ENOSF1: variants seen among roughly 807,000 people sequenced by gnomAD.
ENOSF1 encodes enolase superfamily member 1.
In ENOSF1, 73 loss-of-function variants were observed where a neutral mutation model predicts 68.2. The ratio of observed to expected loss-of-function variants is 1.07; its 90% CI spans 0.89 to 1.30. The LOEUF is 1.30. ENOSF1 is among the 50% of genes most tolerant of loss of function. The pLI is 0.00. For synonymous variants in ENOSF1, 223 were observed against 210.4 expected, an observed-to-expected ratio of 1.06 and a Z score of -0.52; for missense variants, 589 against 554.5, an observed-to-expected ratio of 1.06 and a Z score of -0.62.
intron 14 of ENOSF1, 81 bp from the exon 15 acceptor site, chr18:675,483 G>C (rs376888365): frequency 1.7e-6 from 2 of 1,204,652 alleles, no homozygotes; most frequent in African/African-American, 3.0e-5. Flanking sequence ...CAGAAGGAGC[G>C]AGTACCACTC....
At chr18:700,934 G>A (rs2078281520) in intron 2 of ENOSF1, among the ~76,000 whole-genome samples, 1 of 149,794 alleles carries the variant, frequency 6.7e-6, no homozygotes. Flanking sequence ...TTTTGGCTGT[G>A]GCAGGAAATT....
downstream of ENOSF1, among the ~76,000 whole-genome samples, chr18:667,949 T>TAG (rs2144325354): frequency 6.6e-6 from 1 of 152,052 alleles, no homozygotes; most frequent in African/African-American, 2.4e-5. Context: ...GTAGGAAAGT[T>TAG]TGTCCCTTTT....
At chr18:666,277 G>A (rs1268792524), downstream of ENOSF1, among the ~76,000 whole-genome samples, 2 of 151,618 alleles carry the variant, frequency 1.3e-5, no homozygotes, top group Non-Finnish European at 2.9e-5. Flanking sequence ...GTGGGACAAG[G>A]GACAAAATGC....
chr18:693,795 A>AT, intron 5 of ENOSF1, 87 bp downstream of exon 5: 1 of 1,594,884 alleles, frequency 6.3e-7, no homozygotes, highest in Non-Finnish European at 8.5e-7. Context: ...ATAGTCCTGA[A>AT]TATATTTACT....
intron 1 of ENOSF1, among the ~76,000 whole-genome samples, chr18:708,748 G>C (rs539657781): frequency 6.6e-6 from 1 of 152,094 alleles, no homozygotes; most frequent in Non-Finnish European, 1.5e-5. Context: ...GAATATCTCA[G>C]GCAAGGTAGC....
intron 9 of ENOSF1, chr18:686,253 A>G (rs537154881): frequency 1.2e-4 from 59 of 474,222 alleles, no homozygotes; most frequent in African/African-American, 1.1e-3. Flanking sequence ...CTAGACAGGG[A>G]AGTCAGGTCT....
At position 697,946 on chromosome 18, in the gene ENOSF1, G is replaced by A. The variant is rs990400442; in HGVS notation, c.194-591C>T. On this transcript the variant is annotated intron_variant, in intron 2 of 15. Transcript: ENST00000647584. ...GAAGCTAGGATTACAGGCATGTGCC[G>A]CCACACCTGGTTAATTTTGGTATTT... Among the ~76,000 whole-genome samples, 8 of 152,150 alleles carry A rather than the reference G, an allele frequency of 5.3e-5. No homozygotes were observed. The East Asian group carries it at 5.8e-4, about 11-fold the overall frequency.
intron 5 of ENOSF1, chr18:692,841 T>A (rs1211317652): frequency 1.9e-6 from 2 of 1,078,126 alleles, no homozygotes; most frequent in Non-Finnish European, 1.1e-6. Flanking sequence ...ACTCTCCATG[T>A]CAGAGACGAT....
At chr18:678,008 CTT>C (rs1458648272) in intron 12 of ENOSF1, 136 bp from the exon 13 acceptor site, 4 of 1,094,684 alleles carry the variant, frequency 3.7e-6, no homozygotes, top group Non-Finnish European at 5.1e-6. Context: ...TGTATTTCTT[CTT>C]TGTTCTCGCT....
At position 697,303 on chromosome 18, in the gene ENOSF1, C is replaced by CT; in HGVS notation, c.245dup (p.Asp83GlyfsTer5). On this transcript the variant is annotated frameshift_variant, in exon 3 of 16. Transcript: ENST00000647584. LOFTEE classifies it high-confidence loss of function. ...AGCCTCTGAAGTCACCAACAATGTCCTTGAGGTCCTTGTTGAGCACATGGT... is the reference window on the plus strand; with the variant it reads ...AGCCTCTGAAGTCACCAACAATGTCCTTTGAGGTCCTTGTTGAGCACATGGT... 6.2e-7 allele frequency: 1 copy of CT among 1,613,992 alleles called. No homozygotes were observed. The highest frequency in any genetic ancestry group is 8.5e-7 in the Non-Finnish European group (1 of 1,179,948).
In ENOSF1 at chr18:694,268, A is replaced by C. The variant is rs144714633; in HGVS notation, c.376T>G (p.Trp126Gly). The change falls in exon 4 of 16, where the codon TGG becomes GGG. Residue 126 changes from tryptophan to glycine, a missense_variant. By Grantham distance (184) the Trp-to-Gly change is radical. Transcript: ENST00000647584. Reference protein sequence around the residue: ...AAVLNAVWDLWAKQEGKPVWK... With the variant: ...AAVLNAVWDLGAKQEGKPVWK... The stretch of plus-strand genomic sequence containing the variant: ...GTTACCTTTCCCTCCTGCTTGGCCC[A>C]CAAGTCCCACACCGCGTTTAGGACG... The C allele has an allele frequency of 3.0e-4, 489 of 1,614,100 alleles. 2 individuals carry two copies. The African/African-American group carries it at 6.0e-3, about 20-fold the overall frequency.
At chr18:680,578 T>C (rs2075973007) in intron 11 of ENOSF1, among the ~76,000 whole-genome samples, 1 of 151,830 alleles carries the variant, frequency 6.6e-6, no homozygotes, top group Non-Finnish European at 1.5e-5. Context: ...GGTTTCTCCC[T>C]GCCCATTCCT....
chr18:675,278 C>T, intron 15 of ENOSF1, 43 bp downstream of exon 15: 2 of 1,499,958 alleles, frequency 1.3e-6, no homozygotes, highest in Non-Finnish European at 1.8e-6. Flanking sequence ...GTGGCAGTGG[C>T]TGGCAGCATC....
downstream of ENOSF1, among the ~76,000 whole-genome samples, chr18:667,047 TGATGGA>T (rs1289440111): frequency 7.1e-5 from 2 of 28,086 alleles, no homozygotes; most frequent in African/African-American, 6.0e-4. Context: ...ATGGTGATGG[TGATGGA>T]GATGGAGATG....
At chr18:692,829 CCA>C in intron 5 of ENOSF1, 10 of 1,050,678 alleles carry the variant, frequency 9.5e-6, no homozygotes, top group Non-Finnish European at 1.2e-5. Context: ...GGCCCGGAAG[CCA>C]CTCTCCATGT....
intron 13 of ENOSF1, 122 bp from the exon 14 acceptor site, chr18:677,566 A>G (rs1209079389): frequency 7.9e-7 from 1 of 1,258,730 alleles, no homozygotes; most frequent in African/African-American, 1.5e-5. Flanking sequence ...ATATTTAGGA[A>G]GGAAATTCCA....
Position 672,701 on chromosome 18 carries a change from AATCATGTTAC to A in ENOSF1, c.*1594_*1603del. ...GCAAGAGAACAGCTGGTTGCGCTCC[AATCATGTTAC>A]ATAACCTACGGCAAGGTATCGACAG... On this transcript the variant is annotated 3_prime_UTR_variant, in exon 16 of 16. Coordinates refer to ENST00000647584, the MANE Select transcript of ENOSF1 (RefSeq NM_017512.7). 8.3e-6 allele frequency: 6 copies of A among 722,762 alleles called. No homozygotes were observed. Among genetic ancestry groups the A allele is most frequent in the Non-Finnish European group, 1.3e-5 (6 of 466,964 alleles). 44.8% of individuals were successfully genotyped at this position (722,762 alleles called of 1,614,324 possible). A position where few individuals can be genotyped will look rare whatever the true frequency, so the allele number is the denominator to read the frequency against.
chr18:692,191 C>T (rs1001548656), intron 5 of ENOSF1: 7 of 152,282 alleles, frequency 4.6e-5, no homozygotes, highest in Admixed American at 6.5e-5. Flanking sequence ...CCCACCCTGA[C>T]GGAACAGTCA....
At chr18:675,193 A>G (rs2075354462) in intron 15 of ENOSF1, 128 bp downstream of exon 15, 7 of 735,848 alleles carry the variant, frequency 9.5e-6, no homozygotes, top group Non-Finnish European at 1.7e-5. Context: ...AAACTGAAGA[A>G]CCGTTTGTTA....
Sources: allele counts gnomAD v4.1 joint callset (sites outside exome capture counted in the v4.1 genomes callset), GRCh38; gene constraint gnomAD v4.1.1; transcripts MANE v1.5; gene names NCBI Gene and HGNC (gene_info 2026-07-23, HGNC 2026-07-21).